AGT: variants seen among roughly 807,000 people sequenced by gnomAD.
AGT encodes angiotensinogen.
A neutral mutation model predicts 28.1 loss-of-function variants in AGT; 26 were observed. The ratio of observed to expected loss-of-function variants is 0.92; its 90% confidence interval spans 0.68 to 1.28. The LOEUF (loss-of-function observed/expected upper bound fraction) is 1.28, where lower values mean the gene tolerates loss of function less well. AGT is among the 50% of genes most tolerant of loss of function. The probability of loss-of-function intolerance (pLI) is 0.00; values close to 1 mark genes in which losing one functional copy is unlikely to be tolerated. For synonymous variants in AGT, 259 were observed against 259.6 expected (o/e 1.00, Z 0.02); for missense variants, 596 against 592.3 (o/e 1.01, Z -0.06).
chr1:230,704,059 C>T (rs1452433106), intron 4 of AGT, 134 bp downstream of exon 4: 2 of 1,363,542 alleles, frequency 1.5e-6, no homozygotes, highest in African/African-American at 2.9e-5. Context: ...TCTCTCCCAC[C>T]TTTGGCCCTA....
rs770652568 is a variant in AGT, at chr1:230,703,226, C to A, written c.1346G>T (p.Arg449Leu). Reference protein sequence around the residue: ...KPEVLEVTLNRPFLFAVYDQS... With the variant: ...KPEVLEVTLNLPFLFAVYDQS... ...ATCATACACAGCAAACAGGAATGGG[C>A]GGTTCAGGGTCACCTCCAAGACCTC... is the stretch of plus-strand genomic sequence containing the variant. Residue 449 changes from arginine to leucine, a missense_variant, in exon 5 of 5, where the codon CGC becomes CTC. By Grantham distance (102) the Arg-to-Leu change is moderately radical. Transcript: ENST00000366667. 2.5e-6 allele frequency: 4 copies of A among 1,614,052 alleles called. No homozygotes were observed. The highest frequency in any genetic ancestry group is 2.2e-5 in the East Asian group (1 of 44,872).
intron 1 of AGT, among the ~76,000 whole-genome samples, chr1:230,738,084 T>C (rs542450668): frequency 1.3e-5 from 2 of 152,398 alleles, no homozygotes; most frequent in South Asian, 4.1e-4. Context: ...CCACACATTA[T>C]TTATCCATTC....
chr1:230,705,882 G>A, intron 3 of AGT, 51 bp downstream of exon 3: 2 of 1,607,592 alleles, frequency 1.2e-6, no homozygotes, highest in Non-Finnish European at 1.7e-6. Context: ...CCCCCAGCCT[G>A]GGCAGGACAG....
intron 1 of AGT, among the ~76,000 whole-genome samples, chr1:230,735,717 G>A (rs1664142674): frequency 6.6e-6 from 1 of 152,038 alleles, no homozygotes; most frequent in Non-Finnish European, 1.5e-5. Flanking sequence ...CTTCCCCTTA[G>A]GTTGGCCTCA....
In AGT at chr1:230,704,197, C is replaced by T; in HGVS notation, c.1238G>A (p.Gly413Glu). 1 of 1,614,240 alleles carries T rather than the reference C, an allele frequency of 6.2e-7. No individual in the cohort carries two copies. The highest frequency in any genetic ancestry group is 1.1e-5 in the South Asian group (1 of 91,080). ...QKLSNDRIRV[G>E]EVLNSIFFEL... ...CAGACACAGGCTCACACATACCTCC[C>T]CCACCCTGATGCGGTCATTGCTCAA... The change falls in exon 4 of 5, where the codon GGG (glycine) becomes GAG (glutamate). Residue 413 changes from glycine to glutamate, a missense_variant. Transcript: ENST00000366667.
intron 1 of AGT, among the ~76,000 whole-genome samples, chr1:230,744,926 C>A (rs1362407899): frequency 6.6e-6 from 1 of 152,182 alleles, no homozygotes; most frequent in Non-Finnish European, 1.5e-5. Flanking sequence ...CATTTCCCTG[C>A]CGAGGTGTCA....
chr1:230,736,766 C>T (rs973290471), intron 1 of AGT, among the ~76,000 whole-genome samples: 16 of 152,028 alleles, frequency 1.1e-4, no homozygotes, highest in African/African-American at 2.4e-5. Flanking sequence ...TTCAAAGCCC[C>T]AAAGCTCAGT....
At chr1:230,744,374 G>A (rs925839752) in intron 1 of AGT, among the ~76,000 whole-genome samples, 1 of 152,210 alleles carries the variant, frequency 6.6e-6, no homozygotes, top group African/African-American at 2.4e-5. Context: ...GCTGGGAGCA[G>A]GATTAGACGC....
At chr1:230,744,234 G>A (rs1664300838) in intron 1 of AGT, among the ~76,000 whole-genome samples, 2 of 152,184 alleles carry the variant, frequency 1.3e-5, no homozygotes, top group Non-Finnish European at 2.9e-5. Context: ...TGTAACTATT[G>A]TTCATCCTGA....
upstream of AGT, among the ~76,000 whole-genome samples, chr1:230,715,202 A>C (rs574818484): frequency 2.0e-5 from 3 of 152,336 alleles, no homozygotes; most frequent in East Asian, 5.8e-4. Flanking sequence ...ATCAACAAAC[A>C]CACAAATACC....
At chr1:230,707,765 G>T (rs1663434649) in intron 2 of AGT, among the ~76,000 whole-genome samples, 1 of 152,214 alleles carries the variant, frequency 6.6e-6, no homozygotes, top group Admixed American at 6.5e-5. Flanking sequence ...AAGACGCTGG[G>T]ATTTGACATG....
upstream of AGT, among the ~76,000 whole-genome samples, chr1:230,714,862 A>G (rs61757163): frequency 2.0e-3 from 309 of 152,256 alleles, 2 homozygotes; most frequent in African/African-American, 6.8e-3. Context: ...TATAATTCTT[A>G]TTTTCCTATA....
At chr1:230,709,056 G>A (rs555262530) in intron 2 of AGT, among the ~76,000 whole-genome samples, 185 of 152,212 alleles carry the variant, frequency 1.2e-3, no homozygotes, top group African/African-American at 3.8e-3. Flanking sequence ...CCTGCTCTCC[G>A]CTCCCCAGTG....
At chr1:230,724,981 A>C (rs1663913087) in intron 1 of AGT, among the ~76,000 whole-genome samples, 1 of 152,252 alleles carries the variant, frequency 6.6e-6, no homozygotes, top group African/African-American at 2.4e-5. Context: ...AGCTATACTC[A>C]GGAAAATCTG....
intron 1 of AGT, among the ~76,000 whole-genome samples, chr1:230,733,552 A>G (rs932179047): frequency 6.6e-6 from 1 of 152,180 alleles, no homozygotes; most frequent in African/African-American, 2.4e-5. Context: ...ACACCCTGAC[A>G]GTTGTCTCAT....
At chr1:230,710,951 A>AT in intron 1 of AGT, 98 bp from the exon 2 acceptor site, 1 of 1,446,384 alleles carries the variant, frequency 6.9e-7, no homozygotes, top group African/African-American at 1.4e-5. Flanking sequence ...CCCTGTCACC[A>AT]TTTAGCCCAG....
At chr1:230,725,174 T>C (rs1453009388) in intron 1 of AGT, among the ~76,000 whole-genome samples, 15 of 152,384 alleles carry the variant, frequency 9.8e-5, no homozygotes, top group Admixed American at 3.3e-4. Flanking sequence ...ATTGGTTTAA[T>C]GGATTTTATT....
At position 230,703,059 on chromosome 1, in the gene AGT, G is replaced by A. The variant is rs1218234664; in HGVS notation, c.*82C>T. On this transcript the variant is annotated 3_prime_UTR_variant, in exon 5 of 5. Coordinates refer to ENST00000366667, the MANE Select transcript of AGT (RefSeq NM_001384479.1). Reference sequence around the variant, plus strand: ...GGGGTGACACATCGCTGATTTGTCCGGGGTTGTTATCTGCTGCTGGCCTTT... The same window carrying A: ...GGGGTGACACATCGCTGATTTGTCCAGGGTTGTTATCTGCTGCTGGCCTTT... 2.5e-5 allele frequency: 37 copies of A among 1,486,858 alleles called. No individual in the cohort carries two copies. In the East Asian group the frequency reaches 3.2e-4, roughly 13 times the overall value. 92.1% of individuals were successfully genotyped at this position (1,486,858 alleles called of 1,614,324 possible).
chr1:230,707,107 C>T (rs1663409662), intron 2 of AGT, among the ~76,000 whole-genome samples: 1 of 152,214 alleles, frequency 6.6e-6, no homozygotes, highest in South Asian at 2.1e-4. Flanking sequence ...AGGGGTGAGC[C>T]CTCTGTTTCC....
Sources: allele counts gnomAD v4.1 joint callset (sites outside exome capture counted in the v4.1 genomes callset), GRCh38; gene constraint gnomAD v4.1.1; transcripts MANE v1.5; gene names NCBI Gene and HGNC (gene_info 2026-07-23, HGNC 2026-07-21).